PCDH9: variants seen among roughly 807,000 people sequenced by gnomAD.
PCDH9 encodes the protein protocadherin-9.
A neutral mutation model predicts 70.6 loss-of-function variants in PCDH9; 24 were observed. That is an observed-to-expected ratio of 0.34 (90% CI 0.25 to 0.48). PCDH9 has a LOEUF of 0.48. Among genes scored for constraint, PCDH9 ranks in the 20% least tolerant of loss-of-function variants. The pLI, the probability that PCDH9 is intolerant of heterozygous loss-of-function variation, is 0.99. For missense variants in PCDH9, 1,281 were observed against 1,503.6 expected (o/e 0.85, Z 2.45); for synonymous variants, 562 against 558.5 (o/e 1.01, Z -0.09).
chr13:66,630,062 T>C (rs2077549599), intron 4 of PCDH9, among the ~76,000 whole-genome samples: 1 of 151,952 alleles, frequency 6.6e-6, no homozygotes, highest in South Asian at 2.1e-4. Context: ...AGGTAGAAAA[T>C]CAAGAAAAAA....
At chr13:67,065,325 T>A (rs896125038) in intron 2 of PCDH9, among the ~76,000 whole-genome samples, 2 of 152,202 alleles carry the variant, frequency 1.3e-5, no homozygotes, top group Admixed American at 1.3e-4. Context: ...ATTTTATTAG[T>A]CTAATTTTAA....
chr13:66,914,436 C>T (rs1238177465), intron 2 of PCDH9: 1 of 151,782 alleles, frequency 6.6e-6, no homozygotes, highest in East Asian at 1.9e-4. Flanking sequence ...CTGTGGAATA[C>T]GAACACTTCT....
At chr13:66,493,942 T>C (rs1431943613) in intron 4 of PCDH9, among the ~76,000 whole-genome samples, 2 of 152,096 alleles carry the variant, frequency 1.3e-5, no homozygotes, top group Non-Finnish European at 2.9e-5. Context: ...ATTATGACAA[T>C]ATGATGTTTC....
In PCDH9 at chr13:67,225,969, C is replaced by G; in HGVS notation, c.2472G>C (p.Met824Ile). The change falls in exon 2 of 5, where the codon ATG (methionine) becomes ATC (isoleucine). Residue 824 changes from methionine to isoleucine, a missense_variant. Met to Ile is a conservative substitution (Grantham distance 10). Coordinates refer to ENST00000377865, the MANE Select transcript of PCDH9 (RefSeq NM_203487.3). ...TGACGAAGATCACAACAATGACCACCATGGCACCGGCGATGATGGCAATCA... is the reference window on the plus strand; with the variant it reads ...TGACGAAGATCACAACAATGACCACGATGGCACCGGCGATGATGGCAATCA... Reference protein sequence around the residue: ...TIMIAIIAGAMVVIVVIFVTV... With the variant: ...TIMIAIIAGAIVVIVVIFVTV... 6.2e-7 allele frequency: 1 copy of G among 1,614,100 alleles called. No homozygotes were observed. Among genetic ancestry groups the G allele is most frequent in the Non-Finnish European group, 8.5e-7 (1 of 1,180,022 alleles).
intron 4 of PCDH9, among the ~76,000 whole-genome samples, chr13:66,462,776 C>T (rs1185098011): frequency 1.3e-5 from 2 of 151,684 alleles, no homozygotes; most frequent in Non-Finnish European, 3.0e-5. Flanking sequence ...TTAGGGCCTG[C>T]AGGTCAGTCC....
At chr13:66,792,074 G>A (rs1441962414) in intron 3 of PCDH9, among the ~76,000 whole-genome samples, 1 of 152,104 alleles carries the variant, frequency 6.6e-6, no homozygotes, top group African/African-American at 2.4e-5. Flanking sequence ...GAAATTCCAA[G>A]GGTATATTAA....
rs189211721 is a variant in PCDH9, at chr13:67,149,045, G to A, written c.3036+76360C>T. ...GTTTTTACCTTACCTTTAGGTTCATGCTCAAATTTGAGCTCTCAAGTTCCT... is the reference window on the plus strand; with the variant it reads ...GTTTTTACCTTACCTTTAGGTTCATACTCAAATTTGAGCTCTCAAGTTCCT... On this transcript the variant is annotated intron_variant, in intron 2 of 4. Transcript: ENST00000377865. Among the ~76,000 whole-genome samples the A allele has an allele frequency of 7.4e-3, 1,120 of 152,280 alleles. 12 individuals are homozygous for A. The highest frequency in any genetic ancestry group is 0.026 in the African/African-American group (1,063 of 41,556).
chr13:66,749,730 T>C (rs1378512882), intron 3 of PCDH9, among the ~76,000 whole-genome samples: 4 of 152,162 alleles, frequency 2.6e-5, no homozygotes, highest in Non-Finnish European at 5.9e-5. Context: ...CCCTTACTAG[T>C]TATATACCTC....
At chr13:66,986,592 CAT>C (rs2083896253) in intron 2 of PCDH9, among the ~76,000 whole-genome samples, 1 of 151,794 alleles carries the variant, frequency 6.6e-6, no homozygotes, top group Admixed American at 6.6e-5. Flanking sequence ...AGAAGAATGA[CAT>C]AGATATAGCT....
intron 2 of PCDH9, among the ~76,000 whole-genome samples, chr13:67,080,884 C>T (rs2085970226): frequency 6.6e-6 from 1 of 152,010 alleles, no homozygotes; most frequent in Non-Finnish European, 1.5e-5. Context: ...TGTATTGTTA[C>T]ATAATAAAAA....
intron 3 of PCDH9, among the ~76,000 whole-genome samples, chr13:66,649,227 G>T (rs1257719465): frequency 6.6e-6 from 1 of 152,042 alleles, no homozygotes. Context: ...GCACCAAGTA[G>T]ATTTAACTCA....
At chr13:67,001,658 G>T (rs1048271407) in intron 2 of PCDH9, among the ~76,000 whole-genome samples, 1 of 152,156 alleles carries the variant, frequency 6.6e-6, no homozygotes, top group Admixed American at 6.6e-5. Flanking sequence ...GGAACAGACG[G>T]GGCTGTGTAC....
chr13:66,909,057 T>G (rs1412112165), intron 2 of PCDH9, among the ~76,000 whole-genome samples: 8 of 149,378 alleles, frequency 5.4e-5, no homozygotes, highest in East Asian at 2.0e-4. Context: ...ACAGAGTCTG[T>G]TTTTTTTTAA....
Position 66,897,671 on chromosome 13 carries a change from G to A in PCDH9, c.3138+5833C>T, listed in dbSNP as rs545046993. 1.1e-4 allele frequency among the ~76,000 whole-genome samples: 16 copies of A among 152,144 alleles called. No homozygotes were observed. The South Asian group carries it at 3.1e-3, about 30-fold the overall frequency. On this transcript the variant is annotated intron_variant, in intron 3 of 4. Transcript: ENST00000377865. ...GGCATTAGACATGAGTGTATGTAGTGTTTCTATACTACTGCAGTATAAGTT... is the reference window on the plus strand; with the variant it reads ...GGCATTAGACATGAGTGTATGTAGTATTTCTATACTACTGCAGTATAAGTT...
chr13:67,105,366 T>G (rs541245238), intron 2 of PCDH9, among the ~76,000 whole-genome samples: 2 of 152,284 alleles, frequency 1.3e-5, no homozygotes, highest in South Asian at 4.1e-4. Flanking sequence ...CAGGACATTT[T>G]ATATTAGCCC....
intron 2 of PCDH9, among the ~76,000 whole-genome samples, chr13:67,180,142 T>A (rs1162268925): frequency 6.6e-6 from 1 of 152,176 alleles, no homozygotes; most frequent in East Asian, 1.9e-4. Context: ...TATTTAAGTG[T>A]GATATACTGA....
At chr13:66,667,474 C>T (rs1199905749) in intron 3 of PCDH9, among the ~76,000 whole-genome samples, 2 of 151,988 alleles carry the variant, frequency 1.3e-5, no homozygotes, top group Non-Finnish European at 2.9e-5. Flanking sequence ...TGTTGAAATC[C>T]CTCCAGCAAA....
Position 66,408,533 on chromosome 13 carries a change from T to TA in PCDH9, c.3341-103506dup, listed in dbSNP as rs150812588. ...CTTAAAAAATTGGAAATGTTAAACA[T>TA]AATTACAGTCTTTGGTTTTAGTTTG... is the stretch of plus-strand genomic sequence containing the variant. On this transcript the variant is annotated intron_variant, in intron 4 of 4. Transcript: ENST00000377865. Among the ~76,000 whole-genome samples the TA allele has an allele frequency of 7.2e-3, 1,101 of 152,338 alleles. 12 individuals are homozygous for TA. The highest frequency in any genetic ancestry group is 0.025 in the African/African-American group (1,040 of 41,570).
At chr13:66,429,590 A>T (rs1957735076) in intron 4 of PCDH9, among the ~76,000 whole-genome samples, 1 of 151,920 alleles carries the variant, frequency 6.6e-6, no homozygotes, top group Non-Finnish European at 1.5e-5. Context: ...GAGCTCCCTC[A>T]GAGGGATCAG....
Sources: gnomAD v4.1 joint callset for allele counts (sites outside exome capture counted in the v4.1 genomes callset) on GRCh38, gnomAD v4.1.1 for gene constraint, MANE v1.5 for transcripts, NCBI Gene and HGNC (gene_info 2026-07-23, HGNC 2026-07-21) for gene names.